The following PDGFRA variants were observed in gnomAD, a reference collection of about 807,000 sequenced individuals.
PDGFRA encodes platelet derived growth factor receptor alpha.
PDGFRA carries 25 observed loss-of-function variants against 121.5 expected under a neutral mutation model. The ratio of observed to expected loss-of-function variants is 0.21; its 90% CI spans 0.15 to 0.29. PDGFRA has a LOEUF of 0.29. Among genes scored for constraint, PDGFRA ranks in the 10% least tolerant of loss-of-function variants. The pLI, the probability that PDGFRA is intolerant of heterozygous loss-of-function variation, is 1.00. For missense variants in PDGFRA, 1,008 were observed against 1,345.1 expected (o/e 0.75, Z 3.92); for synonymous variants, 463 against 494.8 (o/e 0.94, Z 0.85).
chr4:54,289,569 G>A (rs957141844), intron 21 of PDGFRA, among the ~76,000 whole-genome samples: 1 of 152,208 alleles, frequency 6.6e-6, no homozygotes, highest in African/African-American at 2.4e-5. Context: ...CTTGGAACCA[G>A]GCAGGATATG....
chr4:54,245,699 A>G (rs542255011), intron 1 of PDGFRA, among the ~76,000 whole-genome samples: 1 of 152,312 alleles, frequency 6.6e-6, no homozygotes, highest in South Asian at 2.1e-4. Flanking sequence ...ACAGGATCAA[A>G]TTCACACATA....
At chr4:54,281,712 C>T (rs931917426) in intron 16 of PDGFRA, 1 of 1,354,706 alleles carries the variant, frequency 7.4e-7, no homozygotes, top group Admixed American at 2.3e-5. Flanking sequence ...ATGGCTAGAG[C>T]TACTCTTCAC....
At chr4:54,290,668 G>C in intron 22 of PDGFRA, 114 bp downstream of exon 22, 1 of 1,221,206 alleles carries the variant, frequency 8.2e-7, no homozygotes, top group South Asian at 1.2e-5. Context: ...ATGTACTCAG[G>C]GACAAGTTGC....
chr4:54,238,831 G>A (rs1721146197), intron 1 of PDGFRA, among the ~76,000 whole-genome samples: 1 of 152,130 alleles, frequency 6.6e-6, no homozygotes, highest in South Asian at 2.1e-4. Context: ...CATGAGCTGG[G>A]CATGATGGTG....
At chr4:54,277,202 TA>T in intron 12 of PDGFRA, 185 bp from the exon 13 acceptor site, 1 of 650,394 alleles carries the variant, frequency 1.5e-6, no homozygotes. Flanking sequence ...CAAAAGCAAT[TA>T]TGCTAATTTC....
At chr4:54,273,777 GC>G in intron 10 of PDGFRA, 47 bp downstream of exon 10, 1 of 1,506,948 alleles carries the variant, frequency 6.6e-7, no homozygotes. Flanking sequence ...AGCCGCATCT[GC>G]CCCAGGCGGA....
chr4:54,247,331 G>C (rs1197775457), intron 1 of PDGFRA, among the ~76,000 whole-genome samples: 1 of 152,128 alleles, frequency 6.6e-6, no homozygotes, highest in Non-Finnish European at 1.5e-5. Context: ...TAAAATACTG[G>C]CAAACAGAAT....
intron 1 of PDGFRA, among the ~76,000 whole-genome samples, chr4:54,233,424 C>G (rs1470118357): frequency 6.6e-6 from 1 of 152,174 alleles, no homozygotes; most frequent in Admixed American, 6.5e-5. Flanking sequence ...GGGCTGCGGG[C>G]GAGCTAGCTG....
At chr4:54,263,589 G>A in intron 3 of PDGFRA, 78 bp from the exon 4 acceptor site, 1 of 1,362,452 alleles carries the variant, frequency 7.3e-7, no homozygotes, top group Non-Finnish European at 1.1e-6. Context: ...AATAATGCCA[G>A]TGGGATAGTT....
intron 21 of PDGFRA, 78 bp downstream of exon 21, chr4:54,289,192 T>A: frequency 1.2e-6 from 1 of 857,172 alleles, no homozygotes; most frequent in Non-Finnish European, 2.0e-6. Flanking sequence ...TCCGCAGTTC[T>A]AGAGGAGCAT....
At position 54,295,893 on chromosome 4, in the gene PDGFRA, C is replaced by G; in HGVS notation, c.*621C>G. ...TTAATAGATTTGGGTCATTTAGAAG[C>G]CTGACAACTCATTTTCATATTGTAA... On this transcript the variant is annotated 3_prime_UTR_variant, in exon 23 of 23. Coordinates refer to ENST00000257290, the MANE Select transcript of PDGFRA (RefSeq NM_006206.6). 1 of 234,132 alleles carries G rather than the reference C, an allele frequency of 4.3e-6. No homozygotes were observed. The highest frequency in any genetic ancestry group is 8.4e-6 in the Non-Finnish European group (1 of 118,592). The allele number at this position is 234,132 out of a possible 1,614,324, so 14.5% of individuals were successfully genotyped here. A position where few individuals can be genotyped will look rare whatever the true frequency, so the allele number is the denominator to read the frequency against.
intron 1 of PDGFRA, among the ~76,000 whole-genome samples, chr4:54,232,687 C>T (rs1341380447): frequency 6.6e-6 from 1 of 152,190 alleles, no homozygotes; most frequent in Non-Finnish European, 1.5e-5. Context: ...CAGGTTCAAG[C>T]GATTCTCCTG....
At chr4:54,243,819 AG>A (rs1205481256) in intron 1 of PDGFRA, 2 of 152,342 alleles carry the variant, frequency 1.3e-5, no homozygotes, top group African/African-American at 2.4e-5. Context: ...AGTCAAAGAA[AG>A]GGGTGACAGA....
At chr4:54,278,138 A>T (rs1321518915) in intron 14 of PDGFRA, 132 bp downstream of exon 14, 6 of 739,176 alleles carry the variant, frequency 8.1e-6, no homozygotes, top group African/African-American at 7.0e-5. Flanking sequence ...AATGGAGCTG[A>T]CTGGTCCCTT....
At chr4:54,262,407 C>G (rs1722801245) in intron 3 of PDGFRA, among the ~76,000 whole-genome samples, 1 of 152,086 alleles carries the variant, frequency 6.6e-6, no homozygotes, top group South Asian at 2.1e-4. Context: ...GGGTCGAGCA[C>G]AAGTGATGGC....
At position 54,288,804 on chromosome 4, in the gene PDGFRA, A is replaced by T; in HGVS notation, c.2680A>T (p.Thr894Ser). 6.2e-7 allele frequency: 1 copy of T among 1,605,844 alleles called. No individual in the cohort carries two copies. The highest frequency in any genetic ancestry group is 8.5e-7 in the Non-Finnish European group (1 of 1,172,406). The change falls in exon 20 of 23, where the codon ACC becomes TCC. Residue 894 changes from threonine to serine, a missense_variant. Around this residue, in one of 5 missense-constraint regions of PDGFRA, gnomAD observed 40 missense variants for 127.4 expected, o/e 0.31. Transcript: ENST00000257290. ...LLWEIFSLGG[T>S]PYPGMMVDST... is the part of the protein sequence containing the mutation. ...TTTTATTGTTTGGCTTTTAGGTGGC[A>T]CCCCTTACCCCGGCATGATGGTGGA...
At chr4:54,293,911 G>GTGTGTA (rs1560495289) in intron 22 of PDGFRA, among the ~76,000 whole-genome samples, 1 of 148,974 alleles carries the variant, frequency 6.7e-6, no homozygotes, top group East Asian at 2.0e-4. Flanking sequence ...AGTTGCTTGT[G>GTGTGTA]TGTGTGTGTG....
intron 1 of PDGFRA, among the ~76,000 whole-genome samples, chr4:54,256,438 A>G (rs1473691857): frequency 1.3e-5 from 2 of 151,626 alleles, no homozygotes; most frequent in South Asian, 2.1e-4. Context: ...GGGTTTCACC[A>G]TGTTGGCCAG....
chr4:54,272,229 A>T (rs979491182), intron 8 of PDGFRA, among the ~76,000 whole-genome samples, 165 bp from the exon 9 acceptor site: 3 of 151,968 alleles, frequency 2.0e-5, no homozygotes, highest in African/African-American at 4.8e-5. Flanking sequence ...GCTGCTAACC[A>T]TGTGGGTCTG....
Sources: gnomAD v4.1 joint callset for allele counts (sites outside exome capture counted in the v4.1 genomes callset) on GRCh38, gnomAD v4.1.1 for gene constraint, gnomAD v4.1.1 regional missense constraint, MANE v1.5 for transcripts, NCBI Gene and HGNC (gene_info 2026-07-23, HGNC 2026-07-21) for gene names.